CNTNAP2: variants seen among roughly 807,000 people sequenced by gnomAD.
CNTNAP2 encodes contactin associated protein 2.
In CNTNAP2, 98 loss-of-function variants were observed where a neutral mutation model predicts 155.2. The ratio of observed to expected loss-of-function variants is 0.63; its 90% CI spans 0.54 to 0.75. The LOEUF (loss-of-function observed/expected upper bound fraction) is 0.75, where lower values mean the gene tolerates loss of function less well. CNTNAP2 is among the 30% of genes least tolerant of loss of function. The probability of loss-of-function intolerance (pLI) is 0.00; values close to 1 mark genes in which losing one functional copy is unlikely to be tolerated. For synonymous variants in CNTNAP2, 651 were observed against 631.2 expected (o/e 1.03, Z -0.47); for missense variants, 1,727 against 1,688.1 (o/e 1.02, Z -0.40).
At chr7:146,948,663 G>C (rs1797242850) in intron 3 of CNTNAP2, among the ~76,000 whole-genome samples, 1 of 152,128 alleles carries the variant, frequency 6.6e-6, no homozygotes, top group Non-Finnish European at 1.5e-5. Flanking sequence ...GTATATAATT[G>C]TGTATGATAC....
chr7:146,342,821 A>G lies in CNTNAP2; in HGVS notation c.97+225848A>G, dbSNP rs140179042. Reference sequence around the variant, plus strand: ...TATTTTATGCCTGTAAGACATGCTAACATTTTAGGGTAAGATATTATTTCT... The same window carrying G: ...TATTTTATGCCTGTAAGACATGCTAGCATTTTAGGGTAAGATATTATTTCT... On this transcript the variant is annotated intron_variant, in intron 1 of 23. Transcript: ENST00000361727. Among the ~76,000 whole-genome samples, 77 of 152,356 alleles carry G rather than the reference A, an allele frequency of 5.1e-4. No individual in the cohort carries two copies. The South Asian group carries it at 0.01, about 20-fold the overall frequency.
intron 13 of CNTNAP2, among the ~76,000 whole-genome samples, chr7:147,824,285 A>G (rs1470343982): frequency 6.6e-6 from 1 of 152,174 alleles, no homozygotes; most frequent in East Asian, 1.9e-4. Context: ...CTTGTCTTCT[A>G]GTAGTAAAGA....
chr7:147,464,103 G>T (rs1465739897), intron 10 of CNTNAP2, among the ~76,000 whole-genome samples: 1 of 151,848 alleles, frequency 6.6e-6, no homozygotes, highest in East Asian at 1.9e-4. Flanking sequence ...AGTATATATT[G>T]TGTGCTTTCC....
intron 14 of CNTNAP2, among the ~76,000 whole-genome samples, chr7:147,925,086 T>G (rs1480145697): frequency 6.8e-6 from 1 of 146,856 alleles, no homozygotes; most frequent in East Asian, 2.0e-4. Flanking sequence ...GCCACGGCAC[T>G]GCAGCCTGGG....
chr7:146,553,022 T>A (rs1563132160), intron 1 of CNTNAP2, among the ~76,000 whole-genome samples: 1 of 152,124 alleles, frequency 6.6e-6, no homozygotes, highest in African/African-American at 2.4e-5. Flanking sequence ...TGGTGCAAAG[T>A]ATTTGTGGTT....
intron 1 of CNTNAP2, among the ~76,000 whole-genome samples, chr7:146,485,999 G>A (rs893865320): frequency 7.3e-6 from 1 of 137,534 alleles, no homozygotes; most frequent in Non-Finnish European, 1.5e-5. Context: ...TCAGTTAGTA[G>A]TACATTCATT....
rs369349402 is a variant in CNTNAP2 at position 147,639,124 on chromosome 7, T to C, written c.1916T>C (p.Ile639Thr). Residue 639 changes from isoleucine (I) to threonine (T), a missense_variant, in exon 13 of 24, where the codon ATA becomes ACA. By Grantham distance (89) the Ile-to-Thr change is moderately conservative. Transcript: ENST00000361727. ...CNMTEDKVWT[I>T]VSHDLQMQTP... ...CCCACAGAGGACAAAGTGTGGACCA[T>C]AGTGTCTCATGACTTGCAGATGCAG... is the stretch of plus-strand genomic sequence containing the variant. 4.3e-6 allele frequency: 7 copies of C among 1,614,094 alleles called. No homozygotes were observed. The highest frequency in any genetic ancestry group is 3.3e-5 in the Admixed American group (2 of 60,006).
At chr7:146,881,632 C>A (rs543242530) in intron 3 of CNTNAP2, among the ~76,000 whole-genome samples, 1 of 150,788 alleles carries the variant, frequency 6.6e-6, no homozygotes. Context: ...GATTTTTTGA[C>A]ACAATAAATG....
At chr7:148,261,192 TCA>T (rs1796554450) in intron 20 of CNTNAP2, among the ~76,000 whole-genome samples, 1 of 140,180 alleles carries the variant, frequency 7.1e-6, no homozygotes, top group African/African-American at 2.6e-5. Context: ...AGATGGAGTC[TCA>T]CTCTCACCCA....
At chr7:148,236,518 G>A (rs577949852) in intron 20 of CNTNAP2, among the ~76,000 whole-genome samples, 1 of 152,228 alleles carries the variant, frequency 6.6e-6, no homozygotes, top group East Asian at 1.9e-4. Flanking sequence ...AAAAGCAACT[G>A]ACACACACGA....
chr7:148,228,497 G>A (rs577692155), intron 19 of CNTNAP2, among the ~76,000 whole-genome samples: 1 of 152,136 alleles, frequency 6.6e-6, no homozygotes, highest in South Asian at 2.1e-4. Context: ...TTATTACTTG[G>A]TCTCAATGAG....
chr7:147,094,144 T>C (rs1273201997), intron 4 of CNTNAP2, among the ~76,000 whole-genome samples: 1 of 152,144 alleles, frequency 6.6e-6, no homozygotes, highest in Non-Finnish European at 1.5e-5. Flanking sequence ...GAAGGGACTC[T>C]GTGGAGATCT....
chr7:147,856,154 C>A (rs1177600948), intron 13 of CNTNAP2, among the ~76,000 whole-genome samples: 7 of 151,956 alleles, frequency 4.6e-5, no homozygotes, highest in Admixed American at 4.6e-4. Context: ...CCGGCCGACC[C>A]TGCTGCCTCC....
At chr7:146,766,681 A>C (rs763300299) in intron 1 of CNTNAP2, among the ~76,000 whole-genome samples, 21 of 152,154 alleles carry the variant, frequency 1.4e-4, no homozygotes, top group Non-Finnish European at 2.8e-4. Context: ...CAATGAGATG[A>C]CCCACTCAAA....
intron 1 of CNTNAP2, among the ~76,000 whole-genome samples, chr7:146,307,925 T>A (rs2129089855): frequency 6.6e-6 from 1 of 152,210 alleles, no homozygotes; most frequent in South Asian, 2.1e-4. Context: ...GGGCAAGGAC[T>A]TCATGACTAA....
At chr7:147,066,726 C>T (rs1584815369) in intron 4 of CNTNAP2, among the ~76,000 whole-genome samples, 1 of 152,240 alleles carries the variant, frequency 6.6e-6, no homozygotes, top group East Asian at 1.9e-4. Flanking sequence ...TCCCTAATGC[C>T]AACCATGGTG....
intron 20 of CNTNAP2, among the ~76,000 whole-genome samples, chr7:148,260,494 G>A (rs113725036): frequency 2.4e-4 from 37 of 152,312 alleles, no homozygotes; most frequent in African/African-American, 8.7e-4. Context: ...CACCAGCCAA[G>A]ACCAGAACTA....
At chr7:147,950,572 C>CT (rs1800910878) in intron 14 of CNTNAP2, among the ~76,000 whole-genome samples, 2 of 152,122 alleles carry the variant, frequency 1.3e-5, no homozygotes, top group Non-Finnish European at 2.9e-5. Flanking sequence ...CTGGGTACCC[C>CT]TGTGGAAGCT....
At chr7:147,742,000 A>G (rs908480133) in intron 13 of CNTNAP2, among the ~76,000 whole-genome samples, 1 of 152,200 alleles carries the variant, frequency 6.6e-6, no homozygotes, top group Non-Finnish European at 1.5e-5. Flanking sequence ...AAGGAGGAGC[A>G]AGTCACATCT....
Sources: gnomAD v4.1 joint callset for allele counts (sites outside exome capture counted in the v4.1 genomes callset) on GRCh38, gnomAD v4.1.1 for gene constraint, MANE v1.5 for transcripts, NCBI Gene and HGNC (gene_info 2026-07-23, HGNC 2026-07-21) for gene names.